The following SHF variants were observed in gnomAD, a reference collection of about 807,000 sequenced individuals.
SHF encodes SH2 domain-containing adapter protein F.
SHF carries 30 observed loss-of-function variants against 42.4 expected under a neutral mutation model. That is an observed-to-expected ratio of 0.71 (90% CI 0.53 to 0.96). The LOEUF is 0.96. SHF is among the 40% of genes least tolerant of loss of function. The probability of loss-of-function intolerance (pLI) is 0.00; values close to 1 mark genes in which losing one functional copy is unlikely to be tolerated. For missense variants in SHF, 598 were observed against 634.0 expected, an observed-to-expected ratio of 0.94 and a Z score of 0.61; for synonymous variants, 264 against 269.9, an observed-to-expected ratio of 0.98 and a Z score of 0.21.
chr15:45,175,547 GGAGCTCAGCAACCA>G, intron 2 of SHF, 122 bp from the exon 3 acceptor site: 1 of 974,684 alleles, frequency 1.0e-6, no homozygotes, highest in Non-Finnish European at 1.5e-6. Context: ...GGCTCTGGGG[GGAGCTCAGCAACCA>G]CACATCCTGG....
At chr15:45,168,942 T>G (rs975427911) in intron 6 of SHF, among the ~76,000 whole-genome samples, 1 of 152,174 alleles carries the variant, frequency 6.6e-6, no homozygotes. Context: ...CCTCGGCCCA[T>G]GAGAGGGCAT....
chr15:45,173,567 A>T lies in SHF; in HGVS notation c.988+9T>A, dbSNP rs1897636682. On this transcript the variant is annotated intron_variant, in intron 4 of 6. Coordinates refer to ENST00000690270, the MANE Select transcript of SHF (RefSeq NM_001394037.1). ...ATGTCACCCTGGCCAGAAGCCCCCC[A>T]GGACCCACCGCTGCTGTCCTCCAGG... 3.3e-6 allele frequency: 5 copies of T among 1,507,356 alleles called. No homozygotes were observed. The highest frequency in any genetic ancestry group is 4.4e-6 in the Non-Finnish European group (5 of 1,127,202). 93.4% of individuals were successfully genotyped at this position (1,507,356 alleles called of 1,614,324 possible). A position where few individuals can be genotyped will look rare whatever the true frequency, so the allele number is the denominator to read the frequency against.
At chr15:45,178,723 T>C (rs137920370) in intron 1 of SHF, among the ~76,000 whole-genome samples, 2,615 of 152,074 alleles carry the variant, frequency 0.017, 72 homozygotes, top group African/African-American at 0.06. Context: ...TTAGTAGAGA[T>C]GGGGTTTCAC....
chr15:45,189,933 A>G (rs1193004427), upstream of SHF, among the ~76,000 whole-genome samples: 1 of 152,156 alleles, frequency 6.6e-6, no homozygotes, highest in Non-Finnish European at 1.5e-5. Context: ...CCAGAAGTTC[A>G]AGGCTGCAGC....
intron 2 of SHF, among the ~76,000 whole-genome samples, chr15:45,194,953 C>G (rs956521706): frequency 6.6e-6 from 1 of 152,134 alleles, no homozygotes; most frequent in Non-Finnish European, 1.5e-5. Flanking sequence ...CTCAGCTGCT[C>G]CAATAGCTGG....
At chr15:45,186,076 A>C (rs531221393) in intron 1 of SHF, among the ~76,000 whole-genome samples, 106 of 152,310 alleles carry the variant, frequency 7.0e-4, no homozygotes, top group African/African-American at 2.5e-3. Context: ...GGTCAGTGGG[A>C]AGAACAGGGC....
At chr15:45,169,952 A>C (rs550869639) in intron 6 of SHF, among the ~76,000 whole-genome samples, 109 of 152,368 alleles carry the variant, frequency 7.2e-4, no homozygotes, top group African/African-American at 2.6e-3. Context: ...AGAGAAGAGA[A>C]ACCATAATTC....
In SHF at chr15:45,167,826, C is replaced by G; in HGVS notation, c.*121G>C. 1.0e-6 allele frequency: 1 copy of G among 977,752 alleles called. No individual in the cohort carries two copies. The highest frequency in any genetic ancestry group is 1.4e-6 in the Non-Finnish European group (1 of 709,256). The allele number at this position is 977,752 out of a possible 1,614,324, so 60.6% of individuals were successfully genotyped here. On this transcript the variant is annotated 3_prime_UTR_variant, in exon 7 of 7. Transcript: ENST00000690270. The stretch of plus-strand genomic sequence containing the variant: ...GAATAAATTAAGGAATCTCCAGCTT[C>G]TACTGGATCCCAGGAGAAGAAAGGT...
At chr15:45,198,639 G>A (rs1238632434) in intron 2 of SHF, 11 of 1,141,036 alleles carry the variant, frequency 9.6e-6, no homozygotes, top group African/African-American at 3.1e-5. Flanking sequence ...AGGTTGCTGC[G>A]GCCACAACGC....
chr15:45,170,514 T>G (rs1897420604), intron 6 of SHF: 1 of 1,149,090 alleles, frequency 8.7e-7, no homozygotes, highest in Non-Finnish European at 1.1e-6. Context: ...ATCAACTCAT[T>G]TGGCAAAGGT....
intron 6 of SHF, among the ~76,000 whole-genome samples, chr15:45,168,351 G>T (rs781068690): frequency 7.2e-5 from 11 of 152,184 alleles, no homozygotes; most frequent in Non-Finnish European, 1.6e-4. Context: ...AAGGCCACTG[G>T]TTGTGCCAAG....
chr15:45,178,205 A>C lies in SHF; in HGVS notation c.600T>G (p.Asp200Glu), dbSNP rs778647061. The change falls in exon 2 of 7, where the codon GAT (aspartate) becomes GAG (glutamate). Residue 200 changes from aspartate to glutamate, a missense_variant. Physicochemically the swap from Asp to Glu is conservative, Grantham distance 45 (BLOSUM62 2). Transcript: ENST00000690270. ...GAGCCTCATAGGGCTCCATGTAGCCATCATTTTCAGGGACCTTCTCTGGGG... is the reference window on the plus strand; with the variant it reads ...GAGCCTCATAGGGCTCCATGTAGCCCTCATTTTCAGGGACCTTCTCTGGGG... ...SGAPEKVPEN[D>E]GYMEPYEAQK... 37 of 1,613,586 alleles carry C rather than the reference A, an allele frequency of 2.3e-5. No individual in the cohort carries two copies. Among genetic ancestry groups the C allele is most frequent in the Non-Finnish European group, 2.8e-5 (33 of 1,179,890 alleles).
chr15:45,200,614 G>A, intron 1 of SHF: 1 of 410,314 alleles, frequency 2.4e-6, no homozygotes, highest in Non-Finnish European at 4.9e-6. Flanking sequence ...GCCATCTGAG[G>A]GCACGCAAGA....
chr15:45,193,667 T>C (rs1338042270), intron 2 of SHF, among the ~76,000 whole-genome samples: 3 of 152,180 alleles, frequency 2.0e-5, no homozygotes, highest in African/African-American at 7.2e-5. Flanking sequence ...AGTATGTCGC[T>C]TTTTAAAATC....
Position 45,175,439 on chromosome 15 carries a change from G to T in SHF, c.641-14C>A. The T allele has an allele frequency of 6.4e-7, 1 of 1,564,510 alleles. No individual in the cohort carries two copies. Among genetic ancestry groups the T allele is most frequent in the Non-Finnish European group, 8.7e-7 (1 of 1,154,214 alleles). Reference sequence around the variant, plus strand: ...AGCCCCGGATCTCTGCCGGAGCAGGGCAGGAAGGGAAAGGTGAGGGTTCAG... The same window carrying T: ...AGCCCCGGATCTCTGCCGGAGCAGGTCAGGAAGGGAAAGGTGAGGGTTCAG... On this transcript the variant is annotated splice_polypyrimidine_tract_variant and intron_variant, in intron 2 of 6. Transcript: ENST00000690270.
chr15:45,178,398 C>A, intron 1 of SHF, 92 bp from the exon 2 acceptor site: 1 of 1,457,596 alleles, frequency 6.9e-7, no homozygotes. Context: ...GCAAGAGTCC[C>A]AAGTAGGCTG....
Position 45,175,214 on chromosome 15 carries a change from C to T in SHF, c.847+5G>A, listed in dbSNP as rs1324282718. 1 of 1,606,770 alleles carries T rather than the reference C, an allele frequency of 6.2e-7. No homozygotes were observed. On this transcript the variant is annotated splice_donor_5th_base_variant and intron_variant, in intron 3 of 6. Transcript: ENST00000690270. ...AGCTGACCTGCCCTCTCCACCAGGA[C>T]TCACCTGCAAAGGCTTTGGAAATCC...
rs1327515895 is a variant in SHF, at chr15:45,183,588, C to T, written c.498+3866G>A. The stretch of plus-strand genomic sequence containing the variant: ...TAATATGTTGACTCTGTGGTGAGGG[C>T]TAATGGAGTGGGCAGCAGGTATCCT... On this transcript the variant is annotated intron_variant, in intron 1 of 6. Transcript: ENST00000690270. 2.0e-5 allele frequency among the ~76,000 whole-genome samples: 3 copies of T among 152,206 alleles called. 1 individual carries two copies. The highest frequency in any genetic ancestry group is 4.4e-5 in the Non-Finnish European group (3 of 68,042).
Position 45,168,480 on chromosome 15 carries a change from G to A in SHF, c.1281-347C>T, listed in dbSNP as rs114174321. 3.4e-3 allele frequency among the ~76,000 whole-genome samples: 523 copies of A among 152,300 alleles called. 3 individuals carry two copies. Among genetic ancestry groups the A allele is most frequent in the African/African-American group, 0.012 (505 of 41,558 alleles). On this transcript the variant is annotated intron_variant, in intron 6 of 6. Coordinates refer to ENST00000690270, the MANE Select transcript of SHF (RefSeq NM_001394037.1). ...GCACCCCGGCCCTCCAGCCTCTGTG[G>A]CCAGGGCCAGTTTAACCTCACCTTT...
Sources: gnomAD v4.1 joint callset for allele counts (sites outside exome capture counted in the v4.1 genomes callset) on GRCh38, gnomAD v4.1.1 for gene constraint, MANE v1.5 for transcripts, NCBI Gene and HGNC (gene_info 2026-07-23, HGNC 2026-07-21) for gene names.